Variants in SLC35F3 observed in about 807,000 individuals in gnomAD.
The protein encoded by SLC35F3 is putative thiamine transporter SLC35F3.
A neutral mutation model predicts 49.9 loss-of-function variants in SLC35F3; 25 were observed. The ratio of observed to expected loss-of-function variants is 0.50; its 90% CI spans 0.37 to 0.70. The LOEUF (loss-of-function observed/expected upper bound fraction) is 0.70, where lower values mean the gene tolerates loss of function less well. Ranked by LOEUF, SLC35F3 falls within the 30% of genes least tolerant of loss-of-function variation. SLC35F3 has a pLI of 0.00. For synonymous variants in SLC35F3, 275 were observed against 265.4 expected (o/e 1.04, Z -0.35); for missense variants, 525 against 639.8 (o/e 0.82, Z 1.94).
intron 2 of SLC35F3, among the ~76,000 whole-genome samples, chr1:234,090,739 G>A (rs1665030967): frequency 6.6e-6 from 1 of 152,174 alleles, no homozygotes; most frequent in Non-Finnish European, 1.5e-5. Context: ...TAGTTGAAGG[G>A]TCAGTGGTCT....
chr1:234,114,062 T>C (rs1665447510), intron 2 of SLC35F3, among the ~76,000 whole-genome samples: 1 of 152,142 alleles, frequency 6.6e-6, no homozygotes, highest in Admixed American at 6.5e-5. Flanking sequence ...GGGTAAGTGC[T>C]CCCACTATGG....
chr1:234,142,208 G>A (rs1417387044), intron 2 of SLC35F3, among the ~76,000 whole-genome samples: 1 of 152,198 alleles, frequency 6.6e-6, no homozygotes, highest in Non-Finnish European at 1.5e-5. Flanking sequence ...TAACACTTCT[G>A]TTCTTGCAGA....
intron 3 of SLC35F3, among the ~76,000 whole-genome samples, chr1:234,289,688 A>G (rs1668477626): frequency 6.6e-6 from 1 of 152,262 alleles, no homozygotes; most frequent in Non-Finnish European, 1.5e-5. Context: ...TAAGAAATTA[A>G]CAGAGAAGCC....
chr1:234,095,655 G>A (rs1352072966), intron 2 of SLC35F3, among the ~76,000 whole-genome samples: 1 of 152,174 alleles, frequency 6.6e-6, no homozygotes, highest in Non-Finnish European at 1.5e-5. Context: ...TTGGTATCAT[G>A]AAGGGCAACA....
At chr1:234,147,832 G>T (rs1270130651) in intron 2 of SLC35F3, among the ~76,000 whole-genome samples, 1 of 152,232 alleles carries the variant, frequency 6.6e-6, no homozygotes, top group Non-Finnish European at 1.5e-5. Flanking sequence ...AGTACAGAGT[G>T]CTGGGTTCCA....
At chr1:234,011,705 G>A (rs1433274968) in intron 2 of SLC35F3, among the ~76,000 whole-genome samples, 1 of 152,160 alleles carries the variant, frequency 6.6e-6, no homozygotes, top group Non-Finnish European at 1.5e-5. Context: ...TGCAGACAGT[G>A]GCCCTAGCCC....
chr1:234,214,082 T>A lies in SLC35F3; in HGVS notation c.284-17335T>A. On this transcript the variant is annotated intron_variant, in intron 2 of 7. Transcript: ENST00000366618. This position sits in a 1 kb window ranked among gnomAD's most constrained non-coding sequence, Gnocchi z 8.0. The stretch of plus-strand genomic sequence containing the variant: ...CCTTTTAAAGGGCTTCTCAGAGAGG[T>A]GGTGGCCAGAGGCTGCAGTCAGGAC... The A allele has an allele frequency of 1.4e-6, 1 of 702,638 alleles. No individual in the cohort carries two copies. The highest frequency in any genetic ancestry group is 1.8e-6 in the Non-Finnish European group (1 of 566,900). The allele number at this position is 702,638 out of a possible 1,614,324, so 43.5% of individuals were successfully genotyped here. A position where few individuals can be genotyped will look rare whatever the true frequency, so the allele number is the denominator to read the frequency against.
intron 3 of SLC35F3, among the ~76,000 whole-genome samples, chr1:234,300,554 T>A (rs997321326): frequency 6.6e-6 from 1 of 152,240 alleles, no homozygotes; most frequent in African/African-American, 2.4e-5. Context: ...GAGTGTATGT[T>A]CTAGTGAAGA....
At chr1:234,204,839 T>C (rs540999795) in intron 2 of SLC35F3, among the ~76,000 whole-genome samples, 22 of 152,254 alleles carry the variant, frequency 1.4e-4, no homozygotes, top group Non-Finnish European at 2.8e-4. Context: ...GGGCCTTCTC[T>C]TTCTGCTTCA....
chr1:234,096,583 A>C (rs903315863), intron 2 of SLC35F3, among the ~76,000 whole-genome samples: 2 of 152,318 alleles, frequency 1.3e-5, no homozygotes, highest in Middle Eastern at 3.4e-3. Context: ...AGGAACTACA[A>C]ATTGTTCTGC....
At chr1:234,243,732 T>A (rs888236242) in intron 3 of SLC35F3, among the ~76,000 whole-genome samples, 1 of 152,190 alleles carries the variant, frequency 6.6e-6, no homozygotes, top group Non-Finnish European at 1.5e-5. Context: ...GAGACAGAGA[T>A]GGGTGACTCT....
intron 2 of SLC35F3, among the ~76,000 whole-genome samples, chr1:233,941,359 G>T (rs1230568909): frequency 1.3e-5 from 2 of 152,118 alleles, no homozygotes; most frequent in African/African-American, 4.8e-5. Context: ...AATTTTCTAG[G>T]ATGCAGTAAG....
chr1:234,238,412 G>A (rs1667507614), intron 3 of SLC35F3, among the ~76,000 whole-genome samples: 1 of 152,114 alleles, frequency 6.6e-6, no homozygotes, highest in Non-Finnish European at 1.5e-5. Flanking sequence ...ATAGGTTTGG[G>A]TTGTCTCTGC....
intron 2 of SLC35F3, among the ~76,000 whole-genome samples, chr1:234,090,511 G>T (rs1047085573): frequency 2.6e-5 from 4 of 152,218 alleles, no homozygotes. Context: ...AGGCTCGGGG[G>T]TACTTATAGG....
chr1:233,936,115 T>G (rs1357823990), intron 2 of SLC35F3, among the ~76,000 whole-genome samples: 2 of 152,212 alleles, frequency 1.3e-5, no homozygotes, highest in Non-Finnish European at 2.9e-5. Context: ...TATGTATTTG[T>G]TTTTGGTGCT....
At chr1:233,918,669 A>T (rs1438408593) in intron 2 of SLC35F3, among the ~76,000 whole-genome samples, 1 of 152,056 alleles carries the variant, frequency 6.6e-6, no homozygotes, top group African/African-American at 2.4e-5. Context: ...TGGGAGGCTG[A>T]GGCAGGAGAA....
chr1:234,285,381 G>T (rs1450538641), intron 3 of SLC35F3: 4 of 471,888 alleles, frequency 8.5e-6, no homozygotes, highest in African/African-American at 2.0e-5. Context: ...AGTATCTCAA[G>T]CCAAGAGAGA....
chr1:233,938,653 G>A (rs1389632605), intron 2 of SLC35F3, among the ~76,000 whole-genome samples: 1 of 148,050 alleles, frequency 6.8e-6, no homozygotes, highest in Non-Finnish European at 1.5e-5. Flanking sequence ...TGGATGGAAG[G>A]ATGGAGGGAT....
chr1:234,221,427 C>T (rs747980497), intron 2 of SLC35F3, among the ~76,000 whole-genome samples: 17 of 152,208 alleles, frequency 1.1e-4, no homozygotes, highest in South Asian at 6.2e-4. Context: ...AGGGAATGAT[C>T]GGCTTTGAAA....
Sources: allele counts gnomAD v4.1 joint callset (sites outside exome capture counted in the v4.1 genomes callset), GRCh38; gene constraint gnomAD v4.1.1; non-coding constraint Gnocchi (gnomAD v3.1); transcripts MANE v1.5; gene names NCBI Gene and HGNC (gene_info 2026-07-23, HGNC 2026-07-21).